METTL3: variants seen among roughly 807,000 people sequenced by gnomAD.
METTL3 encodes methyltransferase 3, N6-adenosine-methyltransferase complex catalytic subunit, also known as N(6)-adenosine-methyltransferase catalytic subunit METTL3.
A neutral mutation model predicts 64.3 loss-of-function variants in METTL3; 42 were observed. That is an observed-to-expected ratio of 0.65 (90% CI 0.51 to 0.84). The LOEUF is 0.84. Among genes scored for constraint, METTL3 ranks in the 40% least tolerant of loss-of-function variants. METTL3 has a pLI of 0.00. For missense variants in METTL3, 435 were observed against 722.3 expected (o/e 0.60, Z 4.56); for synonymous variants, 256 against 263.6 (o/e 0.97, Z 0.28).
In METTL3 at chr14:21,503,882, C is replaced by G. The variant is rs1891633865; in HGVS notation, c.101-1G>C. The stretch of plus-strand genomic sequence containing the variant: ...AATGCTGCCTCTGGATTCCGTAGAT[C>G]TAAGAATGAAGAGAAGTGAAAATGA... On this transcript the variant is annotated splice_acceptor_variant, in intron 1 of 10. Coordinates refer to ENST00000298717, the MANE Select transcript of METTL3 (RefSeq NM_019852.5). LOFTEE classifies it high-confidence loss of function. 1.9e-6 allele frequency: 3 copies of G among 1,613,530 alleles called. No individual in the cohort carries two copies. The highest frequency in any genetic ancestry group is 2.5e-6 in the Non-Finnish European group (3 of 1,179,754).
intron 1 of METTL3, 84 bp from the exon 2 acceptor site, chr14:21,503,965 C>T: frequency 8.1e-7 from 1 of 1,241,034 alleles, no homozygotes; most frequent in Non-Finnish European, 1.1e-6. Context: ...TCTAGCATTC[C>T]CATACACAGA....
At chr14:21,508,041 G>A (rs1050061993) in intron 1 of METTL3, 5 of 151,902 alleles carry the variant, frequency 3.3e-5, no homozygotes, top group African/African-American at 1.2e-4. Context: ...GATAGCTTGA[G>A]CCCAAGAGTC....
At chr14:21,498,563 G>C in intron 10 of METTL3, 194 bp from the exon 11 acceptor site, 1 of 607,480 alleles carries the variant, frequency 1.6e-6, no homozygotes. Context: ...TGTTAAAATA[G>C]ACTGGATCTG....
intron 1 of METTL3, chr14:21,510,785 A>G (rs1379822405): frequency 7.6e-6 from 2 of 264,302 alleles, no homozygotes; most frequent in Non-Finnish European, 1.5e-5. Context: ...GCAGCAACAA[A>G]AAGGGGTTCT....
At chr14:21,510,139 G>A (rs1186682499) in intron 1 of METTL3, among the ~76,000 whole-genome samples, 1 of 152,070 alleles carries the variant, frequency 6.6e-6, no homozygotes, top group Admixed American at 6.5e-5. Flanking sequence ...TTTTGTAAGC[G>A]TCTCCCCTTG....
In METTL3 at chr14:21,498,276, A is replaced by G. The variant is rs1891457792; in HGVS notation, c.1725T>C (p.Ser575=). ...FKQRYPDGII[S]KPKNL ...AGTGCTTCTATAAATTCTTAGGTTT[A>G]GAGATGATACCATCTGGGTACCTTT... Residue 575 remains serine (S), a synonymous_variant, in exon 11 of 11, where the codon TCT becomes TCC. Transcript: ENST00000298717. 1.9e-6 allele frequency: 3 copies of G among 1,600,362 alleles called. No homozygotes were observed. The highest frequency in any genetic ancestry group is 1.3e-5 in the African/African-American group (1 of 74,784).
intron 1 of METTL3, among the ~76,000 whole-genome samples, chr14:21,507,425 C>T (rs1220106736): frequency 3.9e-5 from 6 of 151,944 alleles, no homozygotes; most frequent in African/African-American, 9.7e-5. Flanking sequence ...TTTGAGAGGC[C>T]GAGATGGGCG....
chr14:21,499,283 T>C, intron 9 of METTL3, 23 bp downstream of exon 9: 1 of 1,613,950 alleles, frequency 6.2e-7, no homozygotes, highest in African/African-American at 1.3e-5. Flanking sequence ...TGTGGAAGCT[T>C]TGGAGGCCTG....
Position 21,503,649 on chromosome 14 carries a change from C to T in METTL3, c.318+15G>A, listed in dbSNP as rs746289899. On this transcript the variant is annotated intron_variant, in intron 2 of 10. Coordinates refer to ENST00000298717, the MANE Select transcript of METTL3 (RefSeq NM_019852.5). Reference sequence around the variant, plus strand: ...TGAAAATAAGTGGTAAATCCTAACTCTGTCAGGTCATTACCGTGGAGATGG... The same window carrying T: ...TGAAAATAAGTGGTAAATCCTAACTTTGTCAGGTCATTACCGTGGAGATGG... 6.2e-7 allele frequency: 1 copy of T among 1,613,978 alleles called. No individual in the cohort carries two copies. The highest frequency in any genetic ancestry group is 8.5e-7 in the Non-Finnish European group (1 of 1,179,932).
intron 1 of METTL3, among the ~76,000 whole-genome samples, chr14:21,509,711 A>C (rs1891783326): frequency 6.6e-6 from 1 of 152,180 alleles, no homozygotes. Flanking sequence ...AAACAAAAGC[A>C]AAAAAAGTCG....
intron 1 of METTL3, 21 bp downstream of exon 1, chr14:21,511,103 C>T: frequency 6.2e-7 from 1 of 1,612,040 alleles, no homozygotes. Context: ...GAGCCTCGGC[C>T]CCAACAGCCC....
At chr14:21,501,573 G>A in intron 4 of METTL3, 155 bp downstream of exon 4, 1 of 894,658 alleles carries the variant, frequency 1.1e-6, no homozygotes, top group Non-Finnish European at 1.7e-6. Context: ...CCCACACAAT[G>A]CACTTCTGAA....
At chr14:21,510,966 G>T (rs1238480033) in intron 1 of METTL3, 158 bp downstream of exon 1, 1 of 804,598 alleles carries the variant, frequency 1.2e-6, no homozygotes, top group Non-Finnish European at 1.9e-6. Flanking sequence ...CTTGCAGAAG[G>T]GCGAACGTCT....
chr14:21,503,313 C>T lies in METTL3; in HGVS notation c.583G>A (p.Val195Ile). The change falls in exon 3 of 11, where the codon GTC becomes ATC. Residue 195 changes from valine (V) to isoleucine (I), a missense_variant. This residue lies in a region of METTL3 where 228 missense variants were observed against 279.6 expected (regional missense o/e 0.82). Coordinates refer to ENST00000298717, the MANE Select transcript of METTL3 (RefSeq NM_019852.5). ...TTVAAFASSL[V>I]SGLNSSASEP... ...GATGCTGAAGAGTTCAGACCAGAGA[C>T]TAACGAACTGGCAAAGGCAGCTACT... 6.2e-7 allele frequency: 1 copy of T among 1,614,194 alleles called. No individual in the cohort carries two copies. Among genetic ancestry groups the T allele is most frequent in the Non-Finnish European group, 8.5e-7 (1 of 1,180,032 alleles).
intron 1 of METTL3, 38 bp downstream of exon 1, chr14:21,511,086 C>T (rs1217629753): frequency 6.2e-7 from 1 of 1,607,038 alleles, no homozygotes; most frequent in South Asian, 1.1e-5. Flanking sequence ...GCCCGTCCTC[C>T]CCGGTTGAGC....
chr14:21,506,981 A>T (rs749756155), intron 1 of METTL3, among the ~76,000 whole-genome samples: 1 of 152,052 alleles, frequency 6.6e-6, no homozygotes, highest in Non-Finnish European at 1.5e-5. Flanking sequence ...GAGTTTCACC[A>T]TGTTGGCCAG....
intron 3 of METTL3, chr14:21,502,603 C>G (rs1404471931): frequency 6.5e-6 from 1 of 154,436 alleles, no homozygotes; most frequent in Admixed American, 6.4e-5. Flanking sequence ...CTGGTATTAT[C>G]TTCATGTTAC....
rs772993260 is a variant in METTL3, at chr14:21,499,574, C to CAAAT, written c.1366_1369dup (p.Trp457TyrfsTer46). The CAAAT allele has an allele frequency of 9.9e-6, 16 of 1,614,080 alleles. No individual in the cohort carries two copies. In the South Asian group the frequency reaches 1.8e-4, roughly 18 times the overall value. ...GCGTTGCAGTTGATTTGTCTTCACCCAAATAATTTCATCTACCCGTTCATA... is the reference window on the plus strand; with the variant it reads ...GCGTTGCAGTTGATTTGTCTTCACCCAAATAAATAATTTCATCTACCCGTTCATA... On this transcript the variant is annotated frameshift_variant, in exon 8 of 11. Coordinates refer to ENST00000298717, the MANE Select transcript of METTL3 (RefSeq NM_019852.5). LOFTEE classifies it high-confidence loss of function.
At chr14:21,502,012 CTTTTTT>C in intron 3 of METTL3, 109 bp from the exon 4 acceptor site, 16 of 457,304 alleles carry the variant, frequency 3.5e-5, no homozygotes, top group African/African-American at 4.9e-5. Context: ...GATAAATCAA[CTTTTTT>C]TTTTTTTTTT....
Sources: gnomAD v4.1 joint callset for allele counts (sites outside exome capture counted in the v4.1 genomes callset) on GRCh38, gnomAD v4.1.1 for gene constraint, gnomAD v4.1.1 regional missense constraint, MANE v1.5 for transcripts, NCBI Gene and HGNC (gene_info 2026-07-23, HGNC 2026-07-21) for gene names.